The following CFAP61 variants were observed in gnomAD, a reference collection of about 807,000 sequenced individuals.
CFAP61 encodes cilia and flagella associated protein 61, also known as cilia- and flagella-associated protein 61.
A neutral mutation model predicts 135.6 loss-of-function variants in CFAP61; 107 were observed. That is an observed-to-expected ratio of 0.79 (90% CI 0.67 to 0.93). The LOEUF (loss-of-function observed/expected upper bound fraction) is 0.93. CFAP61 is among the 40% of genes least tolerant of loss of function. The pLI, the probability that CFAP61 is intolerant of heterozygous loss-of-function variation, is 0.00. For synonymous variants in CFAP61, 575 were observed against 578.5 expected (o/e 0.99, Z 0.09); for missense variants, 1,507 against 1,556.2 (o/e 0.97, Z 0.53).
At chr20:20,215,735 A>G (rs1426126957) in intron 17 of CFAP61, among the ~76,000 whole-genome samples, 1 of 152,148 alleles carries the variant, frequency 6.6e-6, no homozygotes, top group African/African-American at 2.4e-5. Context: ...AAACATTTCA[A>G]TTGTATTTTT....
intron 6 of CFAP61, among the ~76,000 whole-genome samples, chr20:20,087,322 G>C (rs970053778): frequency 6.6e-6 from 1 of 151,938 alleles, no homozygotes. Flanking sequence ...AGTGTCTATC[G>C]TTACCATCTT....
At chr20:20,314,408 AATC>A (rs1315709606) in intron 25 of CFAP61, among the ~76,000 whole-genome samples, 96 of 146,390 alleles carry the variant, frequency 6.6e-4, no homozygotes, top group East Asian at 1.3e-3. Context: ...AAAAAAAAAA[AATC>A]AACATGAGTT....
chr20:20,337,292 A>AGATG (rs1190187686), intron 25 of CFAP61, among the ~76,000 whole-genome samples: 734 of 6,804 alleles, frequency 0.11, 73 homozygotes, highest in African/African-American at 0.16. Flanking sequence ...ATGGATGGAT[A>AGATG]GATGGATGGA....
chr20:20,246,203 T>C lies in CFAP61; in HGVS notation c.2147T>C (p.Phe716Ser). The C allele has an allele frequency of 6.2e-7, 1 of 1,609,652 alleles. No homozygotes were observed. Among genetic ancestry groups the C allele is most frequent in the Non-Finnish European group, 8.5e-7 (1 of 1,175,974 alleles). ...CTTCTGGACACTGAACAAAGGAAAT[T>C]TTTAGCCAGCGAGTATGAATTGTAT... ...KKLLDTEQRK[F>S]LASDHCFNDK... is the part of the protein sequence containing the mutation. The change falls in exon 19 of 27, where the codon TTT becomes TCT. Residue 716 changes from phenylalanine to serine, a missense_variant. Coordinates refer to ENST00000245957, the MANE Select transcript of CFAP61 (RefSeq NM_015585.4).
intron 25 of CFAP61, among the ~76,000 whole-genome samples, chr20:20,298,924 A>G (rs999815118): frequency 3.3e-5 from 5 of 152,186 alleles, no homozygotes; most frequent in African/African-American, 1.2e-4. Context: ...AACTCTTAAG[A>G]CACACTTCAT....
intron 2 of CFAP61, among the ~76,000 whole-genome samples, chr20:20,067,230 G>A (rs971307624): frequency 6.6e-6 from 1 of 151,922 alleles, no homozygotes; most frequent in Non-Finnish European, 1.5e-5. Context: ...TGTTAATAGG[G>A]CTCCTTCAGT....
At chr20:20,259,159 C>A (rs567962252) in intron 20 of CFAP61, among the ~76,000 whole-genome samples, 1 of 150,804 alleles carries the variant, frequency 6.6e-6, no homozygotes, top group Admixed American at 6.6e-5. Flanking sequence ...TTCCTTCTCT[C>A]ATTAAAAATA....
intron 25 of CFAP61, among the ~76,000 whole-genome samples, chr20:20,330,033 C>G (rs775696025): frequency 6.6e-6 from 1 of 152,316 alleles, no homozygotes; most frequent in East Asian, 1.9e-4. Context: ...TCACAGGAGG[C>G]GGTCAACAGA....
chr20:20,227,553 G>A (rs2048829321), intron 17 of CFAP61, among the ~76,000 whole-genome samples: 1 of 152,232 alleles, frequency 6.6e-6, no homozygotes, highest in Admixed American at 6.5e-5. Flanking sequence ...CTGCAGGGAA[G>A]TAAATGAAAT....
rs546363016 is a variant in CFAP61, at chr20:20,107,253, T to G, written c.859+8439T>G. ...CACATGGCAACAAACAAAGGAAAAT[T>G]TATTAATTCTGAAGCTCAACATGAA... On this transcript the variant is annotated intron_variant, in intron 8 of 26. Transcript: ENST00000245957. 1.4e-4 allele frequency among the ~76,000 whole-genome samples: 21 copies of G among 152,248 alleles called. No individual in the cohort carries two copies. In the South Asian group the frequency reaches 4.4e-3, roughly 32 times the overall value.
rs1384914303 is a variant in CFAP61, at chr20:20,114,843, T to G, written c.859+16029T>G. On this transcript the variant is annotated intron_variant, in intron 8 of 26. Coordinates refer to ENST00000245957, the MANE Select transcript of CFAP61 (RefSeq NM_015585.4). Reference sequence around the variant, plus strand: ...TGAAAAGTTTTCAGTATTTCATCATTAAGGATAACTTTGTGAATACTCATT... The same window carrying G: ...TGAAAAGTTTTCAGTATTTCATCATGAAGGATAACTTTGTGAATACTCATT... Among the ~76,000 whole-genome samples, 6 of 152,212 alleles carry G rather than the reference T, an allele frequency of 3.9e-5. No homozygotes were observed. The East Asian group carries it at 1.2e-3, about 29-fold the overall frequency.
intron 18 of CFAP61, among the ~76,000 whole-genome samples, chr20:20,238,344 T>A (rs113580128): frequency 0.023 from 3,458 of 152,324 alleles, 128 homozygotes; most frequent in African/African-American, 0.077. Context: ...ATAGGTTAAA[T>A]ATCTATCACG....
At chr20:20,101,663 T>C (rs1475218038) in intron 8 of CFAP61, among the ~76,000 whole-genome samples, 1 of 151,856 alleles carries the variant, frequency 6.6e-6, no homozygotes, top group Non-Finnish European at 1.5e-5. Flanking sequence ...CCCCCCTCTG[T>C]CACCCAGGTT....
chr20:20,221,384 G>A (rs2048389381), intron 17 of CFAP61: 1 of 152,036 alleles, frequency 6.6e-6, no homozygotes, highest in Admixed American at 6.5e-5. Context: ...TACTTGTTTG[G>A]GGGCTATTAT....
intron 25 of CFAP61, among the ~76,000 whole-genome samples, chr20:20,304,590 C>T (rs1052108460): frequency 6.6e-6 from 1 of 151,574 alleles, no homozygotes; most frequent in African/African-American, 2.4e-5. Context: ...GTCACACGCT[C>T]ACACACACCT....
In CFAP61 at chr20:20,355,973, CA is replaced by C. The variant is rs1332147837; in HGVS notation, c.3514-4236del. ...GTCACACTGTAAGGGGAGGTGATCACACTGTGAGGGGACGTCACACTGTGAG... is the reference window on the plus strand; with the variant it reads ...GTCACACTGTAAGGGGAGGTGATCACCTGTGAGGGGACGTCACACTGTGAG... On this transcript the variant is annotated intron_variant, in intron 26 of 26. Transcript: ENST00000245957. Among the ~76,000 whole-genome samples the C allele has an allele frequency of 6.4e-5, 2 of 31,440 alleles. 1 individual carries two copies. The highest frequency in any genetic ancestry group is 1.3e-4 in the African/African-American group (2 of 15,694). The allele number at this position is 31,440 out of a possible 152,430, so 20.6% of individuals were successfully genotyped here.
At chr20:20,251,248 C>G (rs2050867745) in intron 19 of CFAP61, among the ~76,000 whole-genome samples, 1 of 151,998 alleles carries the variant, frequency 6.6e-6, no homozygotes, top group South Asian at 2.1e-4. Context: ...AATTTAACAG[C>G]TAAAGTAAAT....
chr20:20,153,042 T>A (rs1399124628), intron 9 of CFAP61, among the ~76,000 whole-genome samples: 1 of 152,078 alleles, frequency 6.6e-6, no homozygotes, highest in East Asian at 1.9e-4. Context: ...CACAGTAGAA[T>A]AAAATTGGAA....
In CFAP61 at chr20:20,223,116, G is replaced by A. The variant is rs558852003; in HGVS notation, c.1933-5133G>A. On this transcript the variant is annotated intron_variant, in intron 17 of 26. Coordinates refer to ENST00000245957, the MANE Select transcript of CFAP61 (RefSeq NM_015585.4). ...GCTCATTGTTTTGCCCTTTTCAAAC[G>A]TGTTTTTCAAAGATTTGCCTTTCAT... Among the ~76,000 whole-genome samples the A allele has an allele frequency of 5.9e-5, 9 of 152,270 alleles. No individual in the cohort carries two copies. The South Asian group carries it at 1.9e-3, about 32-fold the overall frequency.
Sources: allele counts gnomAD v4.1 joint callset (sites outside exome capture counted in the v4.1 genomes callset), GRCh38; gene constraint gnomAD v4.1.1; transcripts MANE v1.5; gene names NCBI Gene and HGNC (gene_info 2026-07-23, HGNC 2026-07-21).